SHISA5: variants seen among roughly 807,000 people sequenced by gnomAD.
The protein encoded by SHISA5 is shisa family member 5.
Under a neutral mutation model 27.5 loss-of-function variants are expected in SHISA5, and 21 were observed. That is an observed-to-expected ratio of 0.76 (90% CI 0.54 to 1.10). SHISA5 has a LOEUF of 1.10. SHISA5 is among the 50% of genes least tolerant of loss of function. SHISA5 has a pLI of 0.00. For synonymous variants in SHISA5, 137 were observed against 142.2 expected (o/e 0.96, Z 0.26); for missense variants, 314 against 336.3 (o/e 0.93, Z 0.52).
In SHISA5 at chr3:48,469,942, G is replaced by T; in HGVS notation, c.315-99C>A. 6.8e-7 allele frequency: 1 copy of T among 1,462,988 alleles called. No individual in the cohort carries two copies. 90.6% of individuals were successfully genotyped at this position (1,462,988 alleles called of 1,614,324 possible). A position where few individuals can be genotyped will look rare whatever the true frequency, so the allele number is the denominator to read the frequency against. On this transcript the variant is annotated intron_variant, in intron 3 of 5. Coordinates refer to ENST00000296444, the MANE Select transcript of SHISA5 (RefSeq NM_016479.6). This position sits in a 1 kb window ranked among gnomAD's most constrained non-coding sequence, Gnocchi z 4.6. ...GCCCCTCTTGCCAGAAGGGGTCTGG[G>T]CAATACAGTTATAGCTACTTCCTTG...
rs1022954848 is a variant in SHISA5, at chr3:48,492,800, T to C, written c.233+8337A>G. On this transcript the variant is annotated intron_variant, in intron 2 of 5. Transcript: ENST00000296444. Reference sequence around the variant, plus strand: ...ATTAGAGGCATTCCCAGAACTGGGGTTAATCAGAAGTCAACATGGGCAGAT... The same window carrying C: ...ATTAGAGGCATTCCCAGAACTGGGGCTAATCAGAAGTCAACATGGGCAGAT... 2.0e-5 allele frequency among the ~76,000 whole-genome samples: 3 copies of C among 147,402 alleles called. No homozygotes were observed. In the East Asian group the frequency reaches 5.8e-4, roughly 28 times the overall value.
chr3:48,500,122 G>A (rs1387131671), intron 2 of SHISA5, among the ~76,000 whole-genome samples: 2 of 152,152 alleles, frequency 1.3e-5, no homozygotes, highest in Non-Finnish European at 2.9e-5. Flanking sequence ...TATCTATCAT[G>A]ACAACCATTG....
At chr3:48,486,304 TTATATAA>T (rs1410650244) in intron 2 of SHISA5, among the ~76,000 whole-genome samples, 1 of 3,848 alleles carries the variant, frequency 2.6e-4, no homozygotes, top group Non-Finnish European at 4.2e-4. Flanking sequence ...ATATTATATA[TTATATAA>T]TATATAATAC....
intron 2 of SHISA5, among the ~76,000 whole-genome samples, chr3:48,481,674 C>A (rs1027988208): frequency 3.0e-4 from 45 of 151,780 alleles, no homozygotes; most frequent in South Asian, 8.3e-4. Flanking sequence ...CTGTAATCCG[C>A]TACTCGGGAG....
rs948268340 is a variant in SHISA5 at position 48,473,508 on chromosome 3, C to G, written c.315-3665G>C. ...CCAGAGGGCGACCCTGGGGCCCTGG[C>G]TGACACACATGCAAGGAGCAAAGTC... On this transcript the variant is annotated intron_variant, in intron 3 of 5. Transcript: ENST00000296444. The surrounding 1 kb of genome is among the most constrained non-coding windows in gnomAD (Gnocchi z 4.3). 7.0e-6 allele frequency: 9 copies of G among 1,289,984 alleles called. No homozygotes were observed. In the African/African-American group the frequency reaches 1.4e-4, roughly 20 times the overall value. 79.9% of individuals were successfully genotyped at this position (1,289,984 alleles called of 1,614,324 possible).
chr3:48,480,009 T>C (rs1418765451), intron 2 of SHISA5, among the ~76,000 whole-genome samples: 6 of 151,894 alleles, frequency 4.0e-5, no homozygotes, highest in Non-Finnish European at 1.5e-5. Context: ...CTTCACACCG[T>C]TCTCCTGCCT....
chr3:48,474,483 C>T (rs1176832174), intron 3 of SHISA5, among the ~76,000 whole-genome samples: 4 of 151,604 alleles, frequency 2.6e-5, no homozygotes, highest in African/African-American at 9.7e-5. Context: ...ACTACAGGTG[C>T]GTGCCACCAC....
At chr3:48,476,974 C>A in intron 3 of SHISA5, 1 of 416,936 alleles carries the variant, frequency 2.4e-6, no homozygotes, top group Non-Finnish European at 4.7e-6. Context: ...GTCAGAGGTG[C>A]CTCTGAGCTG....
intron 3 of SHISA5, among the ~76,000 whole-genome samples, chr3:48,477,507 G>C (rs890434533): frequency 2.0e-5 from 3 of 152,186 alleles, no homozygotes; most frequent in African/African-American, 7.2e-5. Flanking sequence ...GGCCTACAGC[G>C]ATCCTCCTGC....
intron 2 of SHISA5, among the ~76,000 whole-genome samples, chr3:48,493,523 CTTTTTTTTTTTT>C (rs1195281041): frequency 9.9e-5 from 5 of 50,422 alleles, no homozygotes; most frequent in African/African-American, 5.5e-4. Flanking sequence ...ATGATCTATT[CTTTTTTTTTTTT>C]TTTTTTTTTT....
At chr3:48,501,484 C>A (rs1180846960) in intron 1 of SHISA5, among the ~76,000 whole-genome samples, 191 bp from the exon 2 acceptor site, 1 of 152,160 alleles carries the variant, frequency 6.6e-6, no homozygotes, top group Non-Finnish European at 1.5e-5. Context: ...ATCCCACGGG[C>A]CACAACAGAG....
At position 48,473,158 on chromosome 3, in the gene SHISA5, C is replaced by T; in HGVS notation, c.315-3315G>A. Reference sequence around the variant, plus strand: ...CAGATGACGTCAGCCACAGGAAGCACAGACGCGAAGCCCCGTTCCACCCTC... The same window carrying T: ...CAGATGACGTCAGCCACAGGAAGCATAGACGCGAAGCCCCGTTCCACCCTC... On this transcript the variant is annotated intron_variant, in intron 3 of 5. Coordinates refer to ENST00000296444, the MANE Select transcript of SHISA5 (RefSeq NM_016479.6). The surrounding 1 kb of genome is among the most constrained non-coding windows in gnomAD (Gnocchi z 4.3). The T allele has an allele frequency of 1.3e-5, 19 of 1,448,632 alleles. No individual in the cohort carries two copies. Among genetic ancestry groups the T allele is most frequent in the Non-Finnish European group, 1.4e-5 (16 of 1,103,942 alleles). The allele number at this position is 1,448,632 out of a possible 1,614,324, so 89.7% of individuals were successfully genotyped here. A position where few individuals can be genotyped will look rare whatever the true frequency, so the allele number is the denominator to read the frequency against.
chr3:48,468,558 A>G lies in SHISA5; in HGVS notation c.*549T>C. 8.4e-7 allele frequency: 1 copy of G among 1,189,070 alleles called. No individual in the cohort carries two copies. The allele number at this position is 1,189,070 out of a possible 1,614,324, so 73.7% of individuals were successfully genotyped here. A position where few individuals can be genotyped will look rare whatever the true frequency, so the allele number is the denominator to read the frequency against. Reference sequence around the variant, plus strand: ...AATGGGACATCTGCCCAAAGGATCAAAGTCCAACTTGGCCAGATCCCAAGC... The same window carrying G: ...AATGGGACATCTGCCCAAAGGATCAGAGTCCAACTTGGCCAGATCCCAAGC... On this transcript the variant is annotated 3_prime_UTR_variant, in exon 6 of 6. Transcript: ENST00000296444.
chr3:48,480,325 G>A (rs2040968395), intron 2 of SHISA5, among the ~76,000 whole-genome samples: 1 of 151,234 alleles, frequency 6.6e-6, no homozygotes, highest in Non-Finnish European at 1.5e-5. Flanking sequence ...CTCTTGATTT[G>A]TATTGTGTTA....
upstream of SHISA5, chr3:48,504,205 G>A (rs542283729): frequency 1.1e-3 from 472 of 440,812 alleles, 1 homozygote; most frequent in Non-Finnish European, 1.6e-3. The surrounding 1 kb of genome is among the most constrained non-coding windows in gnomAD (Gnocchi z 4.0). Context: ...CCCCGGCCCG[G>A]CTGGTTCCCG....
At chr3:48,479,973 G>A (rs879645942) in intron 2 of SHISA5, among the ~76,000 whole-genome samples, 1 of 149,874 alleles carries the variant, frequency 6.7e-6, no homozygotes, top group Non-Finnish European at 1.5e-5. Context: ...GCGCGATCTC[G>A]GCTCACTGCA....
intron 2 of SHISA5, among the ~76,000 whole-genome samples, chr3:48,481,680 G>A (rs758264952): frequency 5.3e-5 from 8 of 151,898 alleles, no homozygotes; most frequent in African/African-American, 7.2e-5. Context: ...TCCGCTACTC[G>A]GGAGGCTGAG....
At chr3:48,485,148 C>T (rs1394784008) in intron 2 of SHISA5, among the ~76,000 whole-genome samples, 3 of 151,956 alleles carry the variant, frequency 2.0e-5, no homozygotes, top group Non-Finnish European at 4.4e-5. Context: ...ACACTTCAGC[C>T]TGGGGGACAG....
In SHISA5 at chr3:48,469,867, C is replaced by T. The variant is rs375154038; in HGVS notation, c.315-24G>A. 132 of 1,601,404 alleles carry T rather than the reference C, an allele frequency of 8.2e-5. 1 individual carries two copies. Among genetic ancestry groups the T allele is most frequent in the Middle Eastern group, 6.6e-4 (4 of 6,056 alleles). Reference sequence around the variant, plus strand: ...ACCTGCCAAAGAGCTAGACGTGACCCGGGGCACCTCGCCCCTCCCCAGACC... The same window carrying T: ...ACCTGCCAAAGAGCTAGACGTGACCTGGGGCACCTCGCCCCTCCCCAGACC... On this transcript the variant is annotated intron_variant, in intron 3 of 5. Transcript: ENST00000296444. This position sits in a 1 kb window ranked among gnomAD's most constrained non-coding sequence, Gnocchi z 4.6.
Sources: gnomAD v4.1 joint callset for allele counts (sites outside exome capture counted in the v4.1 genomes callset) on GRCh38, gnomAD v4.1.1 for gene constraint, Gnocchi (gnomAD v3.1) non-coding constraint, MANE v1.5 for transcripts, NCBI Gene and HGNC (gene_info 2026-07-23, HGNC 2026-07-21) for gene names.